Variants in ASB11 observed in about 807,000 individuals in gnomAD.
ASB11 encodes ankyrin repeat and SOCS box containing 11, also known as ankyrin repeat and SOCS box protein 11.
A neutral mutation model predicts 20.1 loss-of-function variants in ASB11; 17 were observed. That is an observed-to-expected ratio of 0.85 (90% confidence interval 0.58 to 1.27). The LOEUF is 1.27. ASB11 is among the 50% of genes most tolerant of loss of function. ASB11 has a pLI of 0.00. For synonymous variants in ASB11, 107 were observed against 105.6 expected, an observed-to-expected ratio of 1.01 and a Z score of -0.08; for missense variants, 259 against 256.9, an observed-to-expected ratio of 1.01 and a Z score of -0.06.
chrX:15,309,244 C>T (rs911628326), intron 1 of ASB11, among the ~76,000 whole-genome samples: 3 of 109,871 alleles, frequency 2.7e-5, no homozygotes, highest in Non-Finnish European at 5.7e-5. Flanking sequence ...AGCCACTCCC[C>T]TTTGCTTGCA....
intron 1 of ASB11, among the ~76,000 whole-genome samples, chrX:15,313,840 A>G (rs1210557757): frequency 9.0e-6 from 1 of 111,111 alleles, no homozygotes; most frequent in African/African-American, 3.3e-5. Context: ...TCATGAGGTC[A>G]GGAGTTCAAG....
intron 2 of ASB11, among the ~76,000 whole-genome samples, chrX:15,299,297 C>A (rs1921001688): frequency 8.9e-6 from 1 of 111,998 alleles, no homozygotes; most frequent in Non-Finnish European, 1.9e-5. Context: ...AAACATGAGA[C>A]ATCAATCAAA....
chrX:15,293,254 A>G lies in ASB11; in HGVS notation c.436T>C (p.Cys146Arg), dbSNP rs142702549. Residue 146 changes from cysteine to arginine, a missense_variant, in exon 4 of 7, where the codon TGT becomes CGT. Coordinates refer to ENST00000480796, the MANE Select transcript of ASB11 (RefSeq NM_080873.3). ...CCGAACTCCAGCAGCACATTGACAC[A>G]TGCAGCACTGCCGCTGCAGCAAGCA... is the stretch of plus-strand genomic sequence containing the variant. ...FNACCSGSAACVNVLLEFGAK... is the reference protein window; with the variant it reads ...FNACCSGSAARVNVLLEFGAK... 9.1e-5 allele frequency: 110 copies of G among 1,209,859 alleles called. No individual in the cohort carries two copies. Among genetic ancestry groups the G allele is most frequent in the Non-Finnish European group, 1.2e-4 (108 of 895,027 alleles).
chrX:15,301,527 ACAGAGAGAGAGAG>A lies in ASB11; in HGVS notation c.261+1188_261+1200del, dbSNP rs1283107354. 3.9e-3 allele frequency among the ~76,000 whole-genome samples: 433 copies of A among 111,175 alleles called. 2 individuals are homozygous for A. Among genetic ancestry groups the A allele is most frequent in the African/African-American group, 0.014 (416 of 30,574 alleles). On this transcript the variant is annotated intron_variant, in intron 2 of 6. Transcript: ENST00000480796. Reference sequence around the variant, plus strand: ...TGCACACACAGACAGAGAGAGAGAGACAGAGAGAGAGAGAGAAAGAAAAAGAGAGAGAGAGAGC... The same window carrying A: ...TGCACACACAGACAGAGAGAGAGAGAAGAAAGAAAAAGAGAGAGAGAGAGC...
intron 6 of ASB11, among the ~76,000 whole-genome samples, chrX:15,286,412 A>C (rs1927385689): frequency 9.1e-6 from 1 of 110,032 alleles, no homozygotes; most frequent in Non-Finnish European, 1.9e-5. Context: ...CACACCTGTA[A>C]TCCCAGCACT....
intron 1 of ASB11, among the ~76,000 whole-genome samples, chrX:15,307,438 A>G (rs1921279530): frequency 8.9e-6 from 1 of 112,564 alleles, no homozygotes; most frequent in Non-Finnish European, 1.9e-5. Flanking sequence ...ATCATCAGGC[A>G]TTAGATTCTC....
At chrX:15,293,939 G>A (rs1310756937) in intron 3 of ASB11, among the ~76,000 whole-genome samples, 6 of 109,974 alleles carry the variant, frequency 5.5e-5, no homozygotes, top group African/African-American at 1.7e-4. Flanking sequence ...ACGAGTTAAT[G>A]GGTGCAGCAC....
At position 15,283,486 on chromosome X, in the gene ASB11, T is replaced by C. The variant is rs1282706099; in HGVS notation, c.*19A>G. 13 of 1,207,921 alleles carry C rather than the reference T, an allele frequency of 1.1e-5. No individual in the cohort carries two copies. Among genetic ancestry groups the C allele is most frequent in the Non-Finnish European group, 1.5e-5 (13 of 893,676 alleles). ...AACAATCTGTGTCATTCCAAGTATC[T>C]TCCCAGGAACACTTAGGACTATTGG... On this transcript the variant is annotated 3_prime_UTR_variant, in exon 7 of 7. Coordinates refer to ENST00000480796, the MANE Select transcript of ASB11 (RefSeq NM_080873.3).
intron 1 of ASB11, among the ~76,000 whole-genome samples, chrX:15,304,681 C>T (rs1049921052): frequency 2.7e-5 from 3 of 111,949 alleles, no homozygotes; most frequent in African/African-American, 9.7e-5. Context: ...AGTTCGAGAC[C>T]AGCCTGGCCA....
At chrX:15,303,631 C>T (rs1921143079) in intron 1 of ASB11, among the ~76,000 whole-genome samples, 1 of 111,765 alleles carries the variant, frequency 8.9e-6, no homozygotes, top group South Asian at 3.7e-4. Context: ...TGAGCATGGG[C>T]CAGTGGAGCC....
At chrX:15,309,042 G>A (rs1380715755) in intron 1 of ASB11, among the ~76,000 whole-genome samples, 2 of 111,223 alleles carry the variant, frequency 1.8e-5, no homozygotes, top group African/African-American at 3.3e-5. Context: ...TCAGCCTCCC[G>A]AGTAGCTGGG....
intron 4 of ASB11, among the ~76,000 whole-genome samples, chrX:15,292,393 C>A (rs577103728): frequency 1.9e-4 from 21 of 112,104 alleles, no homozygotes; most frequent in African/African-American, 6.5e-4. Flanking sequence ...TATAAGAGAA[C>A]AACTCCCTCA....
intron 3 of ASB11, among the ~76,000 whole-genome samples, chrX:15,296,267 G>GAA (rs58628495): frequency 7.3e-4 from 64 of 87,817 alleles, no homozygotes; most frequent in African/African-American, 2.5e-3. Context: ...TAAAAAGATG[G>GAA]AAAAAAAAAA....
intron 1 of ASB11, among the ~76,000 whole-genome samples, chrX:15,305,478 G>A (rs1921205559): frequency 9.0e-6 from 1 of 111,362 alleles, no homozygotes; most frequent in Non-Finnish European, 1.9e-5. Flanking sequence ...TATTAGGACC[G>A]TTGGCTAAAC....
chrX:15,291,228 C>G (rs752089982), intron 4 of ASB11, among the ~76,000 whole-genome samples: 7 of 111,237 alleles, frequency 6.3e-5, no homozygotes, highest in Non-Finnish European at 1.3e-4. Context: ...CAGAGACACA[C>G]AAATTATGTG....
chrX:15,283,469 G>T lies in ASB11; in HGVS notation c.*36C>A. 8.3e-7 allele frequency: 1 copy of T among 1,205,939 alleles called. No individual in the cohort carries two copies. Among genetic ancestry groups the T allele is most frequent in the Non-Finnish European group, 1.1e-6 (1 of 890,449 alleles). ...CTCTAGGTACAGCAGACAACAATCTGTGTCATTCCAAGTATCTTCCCAGGA... is the reference window on the plus strand; with the variant it reads ...CTCTAGGTACAGCAGACAACAATCTTTGTCATTCCAAGTATCTTCCCAGGA... On this transcript the variant is annotated 3_prime_UTR_variant, in exon 7 of 7. Coordinates refer to ENST00000480796, the MANE Select transcript of ASB11 (RefSeq NM_080873.3).
In ASB11 at chrX:15,286,093, G is replaced by A. The variant is rs1015090574; in HGVS notation, c.847+1788C>T. On this transcript the variant is annotated intron_variant, in intron 6 of 6. Transcript: ENST00000480796. ...CTCAGACCAGCACCATCAACATCACGTGGGAGCCTGCTAGACATGCAGAGT... is the reference window on the plus strand; with the variant it reads ...CTCAGACCAGCACCATCAACATCACATGGGAGCCTGCTAGACATGCAGAGT... Among the ~76,000 whole-genome samples, 33 of 111,052 alleles carry A rather than the reference G, an allele frequency of 3.0e-4. 1 individual carries two copies. The highest frequency in any genetic ancestry group is 7.7e-4 in the Admixed American group (8 of 10,397).
chrX:15,293,116 A>G, intron 4 of ASB11, 54 bp downstream of exon 4: 1 of 1,173,546 alleles, frequency 8.5e-7, no homozygotes, highest in South Asian at 2.0e-5. Flanking sequence ...ATTGATTCAT[A>G]CAGATTGGAG....
intron 6 of ASB11, 105 bp downstream of exon 6, chrX:15,287,776 C>T: frequency 1.0e-6 from 1 of 973,514 alleles, no homozygotes; most frequent in Non-Finnish European, 1.4e-6. Flanking sequence ...ACAATGCCAC[C>T]TTCAATTAAA....
Sources: gnomAD v4.1 joint callset for allele counts (sites outside exome capture counted in the v4.1 genomes callset) on GRCh38, gnomAD v4.1.1 for gene constraint, MANE v1.5 for transcripts, NCBI Gene and HGNC (gene_info 2026-07-23, HGNC 2026-07-21) for gene names.